Variants in TGFB2 observed in about 807,000 individuals in gnomAD.
TGFB2 encodes transforming growth factor beta 2, also known as transforming growth factor beta-2 proprotein.
Under a neutral mutation model 42.7 loss-of-function variants are expected in TGFB2, and 13 were observed. The ratio of observed to expected loss-of-function variants is 0.30; its 90% CI spans 0.20 to 0.48. TGFB2 has a LOEUF of 0.48. Among genes scored for constraint, TGFB2 ranks in the 20% least tolerant of loss-of-function variants. The pLI is 0.99. For synonymous variants in TGFB2, 193 were observed against 193.6 expected (o/e 1.00, Z 0.03); for missense variants, 390 against 517.5 (o/e 0.75, Z 2.39).
intron 1 of TGFB2, among the ~76,000 whole-genome samples, chr1:218,376,405 T>C (rs1373988492): frequency 6.6e-6 from 1 of 152,244 alleles, no homozygotes; most frequent in Non-Finnish European, 1.5e-5. Context: ...TTTTATTCTA[T>C]TTAATTCAGT....
Position 218,368,805 on chromosome 1 carries a change from G to A in TGFB2, c.346+21758G>A, listed in dbSNP as rs114473921. Among the ~76,000 whole-genome samples, 658 of 152,282 alleles carry A rather than the reference G, an allele frequency of 4.3e-3. 3 individuals carry two copies. Among genetic ancestry groups the A allele is most frequent in the African/African-American group, 0.015 (606 of 41,552 alleles). On this transcript the variant is annotated intron_variant, in intron 1 of 6. Coordinates refer to ENST00000366930, the MANE Select transcript of TGFB2 (RefSeq NM_003238.6). ...GGAATAGCTGGTTCTGTTGTGACAT[G>A]TTCAAGGATTGTCAAAAGTATCCTA...
chr1:218,415,341 GC>G (rs1659238518), intron 2 of TGFB2, among the ~76,000 whole-genome samples: 1 of 152,122 alleles, frequency 6.6e-6, no homozygotes, highest in Non-Finnish European at 1.5e-5. Context: ...CCAGGAGTTT[GC>G]TTCAGGGTCT....
chr1:218,403,915 C>A (rs911517969), intron 1 of TGFB2, among the ~76,000 whole-genome samples: 4 of 152,064 alleles, frequency 2.6e-5, no homozygotes, highest in African/African-American at 9.7e-5. Flanking sequence ...ATTGTAGAAA[C>A]ATACCTGTAA....
intron 2 of TGFB2, among the ~76,000 whole-genome samples, chr1:218,432,229 A>T (rs929124267): frequency 2.0e-5 from 3 of 152,192 alleles, no homozygotes; most frequent in African/African-American, 7.2e-5. Flanking sequence ...CATTTTGAGG[A>T]TTAAATAAAA....
chr1:218,362,994 C>G (rs1657265866), intron 1 of TGFB2, among the ~76,000 whole-genome samples: 1 of 152,164 alleles, frequency 6.6e-6, no homozygotes, highest in Non-Finnish European at 1.5e-5. Flanking sequence ...AGGTCAAAGC[C>G]TTTCTTATTC....
rs537518903 is a variant in TGFB2 at position 218,380,465 on chromosome 1, C to G, written c.347-24704C>G. 2.0e-5 allele frequency among the ~76,000 whole-genome samples: 3 copies of G among 150,570 alleles called. No homozygotes were observed. In the East Asian group the frequency reaches 5.8e-4, roughly 29 times the overall value. ...TCTTTAGATGGCCTGTTTTTTTTTT[C>G]CTAGCTAACCCCTTTGATTAGCAAA... is the stretch of plus-strand genomic sequence containing the variant. On this transcript the variant is annotated intron_variant, in intron 1 of 6. Transcript: ENST00000366930.
At chr1:218,431,344 C>A (rs1189934492) in intron 2 of TGFB2, among the ~76,000 whole-genome samples, 1 of 152,066 alleles carries the variant, frequency 6.6e-6, no homozygotes, top group African/African-American at 2.4e-5. Flanking sequence ...TGGACTCTTT[C>A]CAAGTAAGAT....
intron 1 of TGFB2, among the ~76,000 whole-genome samples, chr1:218,370,258 T>C (rs1301546863): frequency 6.6e-6 from 1 of 152,146 alleles, no homozygotes; most frequent in Non-Finnish European, 1.5e-5. Flanking sequence ...AGATGGCCTT[T>C]GAGATTGTAG....
chr1:218,356,445 T>C (rs1657037762), intron 1 of TGFB2, among the ~76,000 whole-genome samples: 1 of 152,126 alleles, frequency 6.6e-6, no homozygotes, highest in Non-Finnish European at 1.5e-5. Context: ...TCTTGAACTC[T>C]TGGCCTGAAG....
intron 1 of TGFB2, among the ~76,000 whole-genome samples, chr1:218,378,771 C>CT (rs1248506646): frequency 7.0e-5 from 3 of 42,568 alleles, no homozygotes; most frequent in African/African-American, 2.5e-4. Context: ...CACACCCGGC[C>CT]TGTTTTTTTT....
At chr1:218,350,110 A>G (rs1163894869) in intron 1 of TGFB2, among the ~76,000 whole-genome samples, 1 of 152,224 alleles carries the variant, frequency 6.6e-6, no homozygotes. Context: ...AGGTTTTAGA[A>G]ACTTAGAAAG....
chr1:218,436,671 G>A (rs1420972291), intron 5 of TGFB2, among the ~76,000 whole-genome samples: 1 of 152,210 alleles, frequency 6.6e-6, no homozygotes, highest in Non-Finnish European at 1.5e-5. Flanking sequence ...GAGGGAGAAT[G>A]TGAATGTTCT....
chr1:218,443,657 A>T lies in TGFB2; in HGVS notation c.*2295A>T, dbSNP rs994348581. ...GTTTTGTATTATTTTGTCTTTCCTCATGAATGCACTGATAATATTTTAAAT... is the reference window on the plus strand; with the variant it reads ...GTTTTGTATTATTTTGTCTTTCCTCTTGAATGCACTGATAATATTTTAAAT... On this transcript the variant is annotated 3_prime_UTR_variant, in exon 7 of 7. Transcript: ENST00000366930. The T allele has an allele frequency of 6.6e-6, 1 of 150,512 alleles. No homozygotes were observed. The highest frequency in any genetic ancestry group is 2.1e-4 in the South Asian group (1 of 4,798). 9.3% of individuals were successfully genotyped at this position (150,512 alleles called of 1,614,324 possible).
Position 218,434,064 on chromosome 1 carries a change from GCT to G in TGFB2, c.511-15_511-14del. The G allele has an allele frequency of 6.2e-7, 1 of 1,612,136 alleles. No homozygotes were observed. The highest frequency in any genetic ancestry group is 8.5e-7 in the Non-Finnish European group (1 of 1,178,544). ...GAATGCCAACTCAGCCTTTTCTCTT[GCT>G]CTTTTTCCCCTCCAGATTCTCAAGT... On this transcript the variant is annotated splice_polypyrimidine_tract_variant and intron_variant, in intron 2 of 6. Transcript: ENST00000366930.
rs1215598456 is a variant in TGFB2 at position 218,345,792 on chromosome 1, T to TGGAGCAAGAGAAGGA, written c.-903_-889dup. The TGGAGCAAGAGAAGGA allele has an allele frequency of 3.9e-5, 6 of 152,452 alleles. No homozygotes were observed. Among genetic ancestry groups the TGGAGCAAGAGAAGGA allele is most frequent in the African/African-American group, 1.2e-4 (5 of 41,390 alleles). The allele number at this position is 152,452 out of a possible 1,614,324, so 9.4% of individuals were successfully genotyped here. A position where few individuals can be genotyped will look rare whatever the true frequency, so the allele number is the denominator to read the frequency against. On this transcript the variant is annotated 5_prime_UTR_variant, in exon 1 of 7. Coordinates refer to ENST00000366930, the MANE Select transcript of TGFB2 (RefSeq NM_003238.6). The stretch of plus-strand genomic sequence containing the variant: ...GATCGTCTGTGGCTGGGTTGGCGTT[T>TGGAGCAAGAGAAGGA]GGAGCAAGAGAAGGAGGAGCAGGAG...
chr1:218,362,288 G>T (rs1182180782), intron 1 of TGFB2, among the ~76,000 whole-genome samples: 2 of 152,186 alleles, frequency 1.3e-5, no homozygotes, highest in African/African-American at 2.4e-5. Context: ...CATGGAAGGT[G>T]CATGGACTCC....
intron 1 of TGFB2, among the ~76,000 whole-genome samples, chr1:218,403,818 G>T (rs1459141230): frequency 6.6e-6 from 1 of 152,164 alleles, no homozygotes; most frequent in Non-Finnish European, 1.5e-5. Flanking sequence ...GATAATTGAA[G>T]AGTGGGTAGA....
chr1:218,418,427 T>C (rs1659350012), intron 2 of TGFB2, among the ~76,000 whole-genome samples: 1 of 152,256 alleles, frequency 6.6e-6, no homozygotes, highest in African/African-American at 2.4e-5. Context: ...ACCCCCGTTG[T>C]ATCTAGGAAG....
intron 1 of TGFB2, among the ~76,000 whole-genome samples, chr1:218,388,476 T>C (rs1318197126): frequency 2.6e-5 from 4 of 152,222 alleles, no homozygotes; most frequent in African/African-American, 9.6e-5. Flanking sequence ...GGTGGACCCG[T>C]GGCCCCCTCG....
Sources: gnomAD v4.1 joint callset for allele counts (sites outside exome capture counted in the v4.1 genomes callset) on GRCh38, gnomAD v4.1.1 for gene constraint, MANE v1.5 for transcripts, NCBI Gene and HGNC (gene_info 2026-07-23, HGNC 2026-07-21) for gene names.